HDAC4: variants seen among roughly 807,000 people sequenced by gnomAD.
HDAC4 encodes the protein histone deacetylase 4.
HDAC4 carries 16 observed loss-of-function variants against 135.1 expected under a neutral mutation model. That is an observed-to-expected ratio of 0.12 (90% confidence interval 0.08 to 0.18). The LOEUF is 0.18. Ranked by LOEUF, HDAC4 falls within the 10% of genes least tolerant of loss-of-function variation. HDAC4 has a pLI of 1.00. For missense variants in HDAC4, 1,143 were observed against 1,511.8 expected (o/e 0.76, Z 4.05); for synonymous variants, 685 against 653.4 (o/e 1.05, Z -0.74).
Position 239,307,019 on chromosome 2 carries a change from G to A in HDAC4, c.22+45659C>T, listed in dbSNP as rs552475828. ...AGGGGCCACCGGCAGGGTGGGTGAT[G>A]CCATCCTTCCCACTCTCGCCCTCCG... On this transcript the variant is annotated intron_variant, in intron 2 of 26. Transcript: ENST00000543185. This position sits in a 1 kb window ranked among gnomAD's most constrained non-coding sequence, Gnocchi z 4.8. 6.6e-6 allele frequency among the ~76,000 whole-genome samples: 1 copy of A among 152,212 alleles called. No homozygotes were observed. Among genetic ancestry groups the A allele is most frequent in the South Asian group, 2.1e-4 (1 of 4,832 alleles).
intron 2 of HDAC4, among the ~76,000 whole-genome samples, chr2:239,302,974 T>A (rs1461004460): frequency 6.6e-6 from 1 of 152,046 alleles, no homozygotes; most frequent in Non-Finnish European, 1.5e-5. Flanking sequence ...AGAGGAAAGG[T>A]GTGGGCACTG....
At position 239,172,309 on chromosome 2, in the gene HDAC4, T is replaced by A. The variant is rs56386764; in HGVS notation, c.490+4104A>T. ...GTGAAAAAAAATATATATATATATA[T>A]ATATATATATCACTAAAAACATACA... On this transcript the variant is annotated intron_variant, in intron 5 of 26. Coordinates refer to ENST00000543185, the MANE Select transcript of HDAC4 (RefSeq NM_001378414.1). 2.8e-5 allele frequency among the ~76,000 whole-genome samples: 4 copies of A among 141,606 alleles called. 1 individual carries two copies. The highest frequency in any genetic ancestry group is 4.6e-5 in the Non-Finnish European group (3 of 64,770). The allele number at this position is 141,606 out of a possible 152,430, so 92.9% of individuals were successfully genotyped here. A position where few individuals can be genotyped will look rare whatever the true frequency, so the allele number is the denominator to read the frequency against.
rs868392223 is a variant in HDAC4, at chr2:239,223,632, C to T, written c.94+12961G>A. ...CGTAGCTGAGTGACAGATGGGTGGCCTTGGTAAGGGGACCTGTGGCCATCA... is the reference window on the plus strand; with the variant it reads ...CGTAGCTGAGTGACAGATGGGTGGCTTTGGTAAGGGGACCTGTGGCCATCA... On this transcript the variant is annotated intron_variant, in intron 3 of 26. Coordinates refer to ENST00000543185, the MANE Select transcript of HDAC4 (RefSeq NM_001378414.1). Among the ~76,000 whole-genome samples the T allele has an allele frequency of 2.6e-5, 4 of 152,188 alleles. No individual in the cohort carries two copies. In the Middle Eastern group the frequency reaches 0.014, roughly 518 times the overall value.
At chr2:239,069,971 C>G (rs765433888) in intron 22 of HDAC4, among the ~76,000 whole-genome samples, 4 of 152,182 alleles carry the variant, frequency 2.6e-5, no homozygotes, top group Non-Finnish European at 5.9e-5. Context: ...TCCTTGGCCC[C>G]GTGCCCACCC....
rs750361987 is a variant in HDAC4 at position 239,308,221 on chromosome 2, G to A, written c.22+44457C>T. ...CCTTGACGATGAGCTATCAGCTTAG[G>A]GACAAGAGAGCTAGAGACCCGGGGG... is the stretch of plus-strand genomic sequence containing the variant. On this transcript the variant is annotated intron_variant, in intron 2 of 26. Transcript: ENST00000543185. The surrounding 1 kb of genome is among the most constrained non-coding windows in gnomAD (Gnocchi z 4.2). Among the ~76,000 whole-genome samples, 1 of 152,112 alleles carries A rather than the reference G, an allele frequency of 6.6e-6. No individual in the cohort carries two copies. The highest frequency in any genetic ancestry group is 1.5e-5 in the Non-Finnish European group (1 of 68,012).
In HDAC4 at chr2:239,068,035, C is replaced by T. The variant is rs1292316709; in HGVS notation, c.2869+454G>A. On this transcript the variant is annotated intron_variant, in intron 23 of 26. Transcript: ENST00000543185. The surrounding 1 kb of genome is among the most constrained non-coding windows in gnomAD (Gnocchi z 4.4). Reference sequence around the variant, plus strand: ...CCCATCCTGACAGCATGGCCCCTAACGCTGATCCTGAGAGGACACACACAT... The same window carrying T: ...CCCATCCTGACAGCATGGCCCCTAATGCTGATCCTGAGAGGACACACACAT... Among the ~76,000 whole-genome samples, 9 of 152,232 alleles carry T rather than the reference C, an allele frequency of 5.9e-5. No individual in the cohort carries two copies. Among genetic ancestry groups the T allele is most frequent in the Non-Finnish European group, 1.2e-4 (8 of 68,036 alleles).
At chr2:239,399,353 A>G (rs1696783894) in intron 1 of HDAC4, among the ~76,000 whole-genome samples, 3 of 152,148 alleles carry the variant, frequency 2.0e-5, no homozygotes. Context: ...GCTGTAGTGT[A>G]TATTTGTGTA....
Position 239,087,568 on chromosome 2 carries a change from C to G in HDAC4, c.2435G>C (p.Ser812Thr), listed in dbSNP as rs569673698. The G allele has an allele frequency of 1.5e-5, 24 of 1,613,536 alleles. No homozygotes were observed. The highest frequency in any genetic ancestry group is 1.9e-5 in the Non-Finnish European group (23 of 1,179,902). The stretch of plus-strand genomic sequence containing the variant: ...TGCGGCGTGTACTCACATGGGCGTG[C>G]TCTCCTCCGCATGGTGTCCAGGGGG... ...VRPPGHHAEE[S>T]TPMGFCYFNS... The change falls in exon 19 of 27, where the codon AGC becomes ACC. Residue 812 changes from serine to threonine, a missense_variant. Ser to Thr is a moderately conservative substitution (Grantham distance 58). Coordinates refer to ENST00000543185, the MANE Select transcript of HDAC4 (RefSeq NM_001378414.1).
chr2:239,192,372 A>G (rs1479298273), intron 3 of HDAC4, among the ~76,000 whole-genome samples: 1 of 152,132 alleles, frequency 6.6e-6, no homozygotes, highest in Admixed American at 6.5e-5. Context: ...CATTTTTATG[A>G]CAAAATATAG....
At chr2:239,235,751 C>A (rs2047851845) in intron 3 of HDAC4, among the ~76,000 whole-genome samples, 1 of 152,182 alleles carries the variant, frequency 6.6e-6, no homozygotes, top group African/African-American at 2.4e-5. Flanking sequence ...TAAAATGTTA[C>A]CTATGGGGCT....
chr2:239,155,624 C>A (rs1481087245), intron 7 of HDAC4: 1 of 152,540 alleles, frequency 6.6e-6, no homozygotes, highest in Non-Finnish European at 1.5e-5. Flanking sequence ...TCCCAGCAGC[C>A]CCTCACAAAG....
intron 1 of HDAC4, among the ~76,000 whole-genome samples, chr2:239,372,432 C>T (rs1694686348): frequency 6.6e-6 from 1 of 152,252 alleles, no homozygotes; most frequent in East Asian, 1.9e-4. Flanking sequence ...TGATCTCTGT[C>T]CCTGGCTCCC....
chr2:239,083,062 C>T (rs1283045191), intron 20 of HDAC4, among the ~76,000 whole-genome samples: 1 of 152,252 alleles, frequency 6.6e-6, no homozygotes, highest in African/African-American at 2.4e-5. Context: ...CCTTCCACCC[C>T]ACAGAGTAGG....
chr2:239,221,609 GACACACACACACAC>G (rs3838519), intron 3 of HDAC4, among the ~76,000 whole-genome samples: 95,646 of 149,018 alleles, frequency 0.64, 32,141 homozygotes, highest in South Asian at 0.79. Context: ...CTGAGAGTGG[GACACACACACACAC>G]ACACACACAC....
At chr2:239,090,842 C>A (rs1331216866) in intron 17 of HDAC4, among the ~76,000 whole-genome samples, 1 of 152,138 alleles carries the variant, frequency 6.6e-6, no homozygotes, top group East Asian at 1.9e-4. Context: ...AAGGGATAGT[C>A]GACCTGTCAA....
Position 239,220,709 on chromosome 2 carries a change from C to T in HDAC4, c.94+15884G>A, listed in dbSNP as rs182672078. On this transcript the variant is annotated intron_variant, in intron 3 of 26. Transcript: ENST00000543185. ...GTCATTCAGCTTCATCTACGAACAT[C>T]CATCTTTTTTTCTTTATTTCTAATC... Among the ~76,000 whole-genome samples, 3 of 152,302 alleles carry T rather than the reference C, an allele frequency of 2.0e-5. No homozygotes were observed. In the East Asian group the frequency reaches 5.8e-4, roughly 29 times the overall value.
intron 1 of HDAC4, among the ~76,000 whole-genome samples, chr2:239,377,918 T>C (rs1695136635): frequency 6.6e-6 from 1 of 152,058 alleles, no homozygotes; most frequent in Non-Finnish European, 1.5e-5. Context: ...ACCTGCTTGG[T>C]TTTACACCCA....
intron 4 of HDAC4, 47 bp downstream of exon 4, chr2:239,189,786 A>G (rs1427976237): frequency 1.9e-6 from 3 of 1,561,436 alleles, no homozygotes; most frequent in Non-Finnish European, 2.6e-6. Flanking sequence ...CCGGGAGTTG[A>G]GGGTGCCGGA....
rs899221673 is a variant in HDAC4 at position 239,307,981 on chromosome 2, C to G, written c.22+44697G>C. ...AGCCAGCAAAGTGTCCCCATCCCCC[C>G]CAAAGTGAGCGGCCACACAGCAATG... On this transcript the variant is annotated intron_variant, in intron 2 of 26. Transcript: ENST00000543185. This position sits in a 1 kb window ranked among gnomAD's most constrained non-coding sequence, Gnocchi z 4.8. Among the ~76,000 whole-genome samples the G allele has an allele frequency of 1.1e-4, 17 of 152,302 alleles. No individual in the cohort carries two copies. The highest frequency in any genetic ancestry group is 3.3e-4 in the Admixed American group (5 of 15,302).
Sources: allele counts gnomAD v4.1 joint callset (sites outside exome capture counted in the v4.1 genomes callset), GRCh38; gene constraint gnomAD v4.1.1; non-coding constraint Gnocchi (gnomAD v3.1); transcripts MANE v1.5; gene names NCBI Gene and HGNC (gene_info 2026-07-23, HGNC 2026-07-21).